Variants in CNTN1 observed in about 807,000 individuals in gnomAD.
The protein encoded by CNTN1 is contactin-1.
CNTN1 carries 38 observed loss-of-function variants against 126.4 expected under a neutral mutation model. The observed-to-expected ratio is 0.30, with a 90% CI of 0.23 to 0.39. The LOEUF is 0.39. CNTN1 is among the 10% of genes least tolerant of loss of function. The pLI is 1.00. For missense variants in CNTN1, 1,009 were observed against 1,248.4 expected, an observed-to-expected ratio of 0.81 and a Z score of 2.89; for synonymous variants, 413 against 422.6, an observed-to-expected ratio of 0.98 and a Z score of 0.28.
At chr12:41,011,875 G>A (rs971903257) in intron 17 of CNTN1, among the ~76,000 whole-genome samples, 1 of 152,134 alleles carries the variant, frequency 6.6e-6, no homozygotes, top group Non-Finnish European at 1.5e-5. Flanking sequence ...TCTAATTGGA[G>A]GCAGAATAGG....
intron 1 of CNTN1, among the ~76,000 whole-genome samples, chr12:40,734,910 G>T (rs1217720931): frequency 2.0e-5 from 3 of 152,086 alleles, no homozygotes; most frequent in African/African-American, 7.2e-5. Context: ...AAGTTGAGAA[G>T]ATTTATTTCA....
rs1321302872 is a variant in CNTN1 at position 40,795,295 on chromosome 12, ACACACACACACACACACACACACAT to A, written c.-77+102704_-77+102728del. Among the ~76,000 whole-genome samples the A allele has an allele frequency of 6.3e-4, 41 of 65,544 alleles. 1 individual carries two copies. Among genetic ancestry groups the A allele is most frequent in the East Asian group, 2.1e-3 (4 of 1,894 alleles). 43.0% of individuals were successfully genotyped at this position (65,544 alleles called of 152,430 possible). On this transcript the variant is annotated intron_variant, in intron 1 of 23. Coordinates refer to ENST00000551295, the MANE Select transcript of CNTN1 (RefSeq NM_001843.4). ...TGTATACACACACACACACACACAC[ACACACACACACACACACACACACAT>A]TTTTTTTTTTTTTTTGAAACAAAGT...
chr12:41,004,573 C>T lies in CNTN1; in HGVS notation c.2114-9655C>T, dbSNP rs1008447146. Among the ~76,000 whole-genome samples the T allele has an allele frequency of 1.3e-5, 2 of 152,268 alleles. 1 individual carries two copies. The highest frequency in any genetic ancestry group is 1.3e-4 in the Admixed American group (2 of 15,292). On this transcript the variant is annotated intron_variant, in intron 17 of 23. Coordinates refer to ENST00000551295, the MANE Select transcript of CNTN1 (RefSeq NM_001843.4). ...CTCATTATTATGTGGGAGTCTGAGT[C>T]TCTTTAAAGCTCTCTAAGAATTTGC...
chr12:40,856,309 A>T (rs1942905703), intron 1 of CNTN1, among the ~76,000 whole-genome samples: 1 of 152,146 alleles, frequency 6.6e-6, no homozygotes, highest in South Asian at 2.1e-4. Context: ...TTAGAAAGAA[A>T]GAGAAATATA....
chr12:40,954,878 T>C (rs966720868), intron 14 of CNTN1, among the ~76,000 whole-genome samples: 2 of 152,138 alleles, frequency 1.3e-5, no homozygotes, highest in Non-Finnish European at 2.9e-5. Context: ...CTTGAAGTAC[T>C]GCCAACCAGC....
chr12:40,812,942 AATT>A, intron 1 of CNTN1, among the ~76,000 whole-genome samples: 1 of 95,902 alleles, frequency 1.0e-5, no homozygotes, highest in South Asian at 3.2e-4. Flanking sequence ...CCAGTTTGTT[AATT>A]TTTTTTTTTT....
intron 9 of CNTN1, 25 bp from the exon 10 acceptor site, chr12:40,936,756 A>G: frequency 6.2e-7 from 1 of 1,611,966 alleles, no homozygotes. Context: ...TTCATTTAAC[A>G]TTTACAATGT....
At chr12:41,007,481 G>A (rs1592393017) in intron 17 of CNTN1, among the ~76,000 whole-genome samples, 1 of 152,202 alleles carries the variant, frequency 6.6e-6, no homozygotes, top group Admixed American at 6.5e-5. Context: ...TTAGGACATG[G>A]ACTCACACGA....
At chr12:40,793,096 G>A (rs1940281508) in intron 1 of CNTN1, among the ~76,000 whole-genome samples, 1 of 152,068 alleles carries the variant, frequency 6.6e-6, no homozygotes, top group African/African-American at 2.4e-5. Flanking sequence ...AAGGTCTGAT[G>A]GAAAAACTTA....
At chr12:40,850,397 G>A (rs748621280) in intron 1 of CNTN1, among the ~76,000 whole-genome samples, 4 of 152,094 alleles carry the variant, frequency 2.6e-5, no homozygotes, top group Non-Finnish European at 4.4e-5. Flanking sequence ...TATGTTAGAT[G>A]CATTCCAAAC....
At chr12:41,019,507 T>C (rs1948857959) in intron 19 of CNTN1, among the ~76,000 whole-genome samples, 1 of 151,994 alleles carries the variant, frequency 6.6e-6, no homozygotes, top group South Asian at 2.1e-4. Flanking sequence ...AGTGTTCATG[T>C]GTAGAACATT....
At chr12:40,927,251 T>G (rs928915347) in intron 6 of CNTN1, among the ~76,000 whole-genome samples, 1 of 152,084 alleles carries the variant, frequency 6.6e-6, no homozygotes, top group African/African-American at 2.4e-5. Flanking sequence ...GGAAAACAGA[T>G]AGCTTTTGCA....
At position 41,016,601 on chromosome 12, in the gene CNTN1, G is replaced by A. The variant is rs373530981; in HGVS notation, c.2185-81G>A. 7.7e-4 allele frequency: 672 copies of A among 874,256 alleles called. 5 individuals carry two copies. The highest frequency in any genetic ancestry group is 4.5e-3 in the South Asian group (331 of 73,092). The allele number at this position is 874,256 out of a possible 1,614,324, so 54.2% of individuals were successfully genotyped here. A position where few individuals can be genotyped will look rare whatever the true frequency, so the allele number is the denominator to read the frequency against. ...ATGTTTTTACAAAGAGCACGCCTCC[G>A]TGTGTGTCATTATCCCCATAGCATT... On this transcript the variant is annotated intron_variant, in intron 18 of 23. Transcript: ENST00000551295.
chr12:40,959,326 T>TA, intron 15 of CNTN1, 92 bp downstream of exon 15: 1 of 1,382,206 alleles, frequency 7.2e-7, no homozygotes, highest in Non-Finnish European at 1.0e-6. Flanking sequence ...TGCAAATTCT[T>TA]ACATATTTAG....
intron 1 of CNTN1, among the ~76,000 whole-genome samples, chr12:40,872,144 A>G (rs905790108): frequency 6.6e-6 from 1 of 151,770 alleles, no homozygotes; most frequent in Non-Finnish European, 1.5e-5. Flanking sequence ...AAAAGATCTT[A>G]CATATTTAAT....
chr12:40,739,688 T>TCA (rs1278442754), intron 1 of CNTN1, among the ~76,000 whole-genome samples: 1 of 152,018 alleles, frequency 6.6e-6, no homozygotes, highest in Non-Finnish European at 1.5e-5. Context: ...ACAAGTATGG[T>TCA]CAAATGCTAG....
chr12:40,727,992 C>A (rs1942401526), intron 1 of CNTN1, among the ~76,000 whole-genome samples: 1 of 152,112 alleles, frequency 6.6e-6, no homozygotes. Context: ...GTGTGTCATG[C>A]CCAGAGTAAA....
At chr12:41,048,234 GTGGGCCCATAGTGCTGC>G (rs1384018236) in intron 23 of CNTN1, among the ~76,000 whole-genome samples, 1 of 152,128 alleles carries the variant, frequency 6.6e-6, no homozygotes, top group Non-Finnish European at 1.5e-5. Context: ...AAAACTTCAA[GTGGGCCCATAGTGCTGC>G]TGGGCCATTC....
chr12:40,941,899 C>G (rs1047530116), intron 12 of CNTN1, among the ~76,000 whole-genome samples: 10 of 151,972 alleles, frequency 6.6e-5, no homozygotes, highest in Non-Finnish European at 1.3e-4. Context: ...ACAAAAAAAT[C>G]AGGTTTTCTA....
Sources: gnomAD v4.1 joint callset for allele counts (sites outside exome capture counted in the v4.1 genomes callset) on GRCh38, gnomAD v4.1.1 for gene constraint, MANE v1.5 for transcripts, NCBI Gene and HGNC (gene_info 2026-07-23, HGNC 2026-07-21) for gene names.